FHIP1A: variants seen among roughly 807,000 people sequenced by gnomAD.
FHIP1A encodes FHF complex subunit HOOK-interacting protein 1A.
A neutral mutation model predicts 88.6 loss-of-function variants in FHIP1A; 61 were observed. That is an observed-to-expected ratio of 0.69 (90% CI 0.56 to 0.85). The LOEUF (loss-of-function observed/expected upper bound fraction) is 0.85. Among genes scored for constraint, FHIP1A ranks in the 40% least tolerant of loss-of-function variants. FHIP1A has a pLI of 0.00. For missense variants in FHIP1A, 1,154 were observed against 1,273.5 expected (o/e 0.91, Z 1.43); for synonymous variants, 478 against 496.0 (o/e 0.96, Z 0.48).
At position 151,602,426 on chromosome 4, in the gene FHIP1A, T is replaced by C. The variant is rs139136629; in HGVS notation, c.978+13500T>C. On this transcript the variant is annotated intron_variant, in intron 7 of 13. Transcript: ENST00000435205. ...TGGCTGAAAAACTCTGTCATCTCCATGGAGTTTATAATCTGGGACCCAGGA... is the reference window on the plus strand; with the variant it reads ...TGGCTGAAAAACTCTGTCATCTCCACGGAGTTTATAATCTGGGACCCAGGA... Among the ~76,000 whole-genome samples the C allele has an allele frequency of 3.0e-3, 459 of 152,234 alleles. 3 individuals carry two copies. Among genetic ancestry groups the C allele is most frequent in the African/African-American group, 0.011 (441 of 41,534 alleles).
At chr4:151,456,093 C>CA (rs201890760) in intron 2 of FHIP1A, among the ~76,000 whole-genome samples, 108 of 151,480 alleles carry the variant, frequency 7.1e-4, no homozygotes, top group African/African-American at 2.1e-3. Flanking sequence ...GTTAAGGCAC[C>CA]AAAAAAAACC....
chr4:151,476,162 T>G (rs961312665), intron 2 of FHIP1A, among the ~76,000 whole-genome samples: 2 of 39,276 alleles, frequency 5.1e-5, no homozygotes, highest in African/African-American at 1.6e-4. Context: ...GCTCGGCCGA[T>G]TTTTTTTTTT....
In FHIP1A at chr4:151,656,525, T is replaced by C. The variant is rs1407578411; in HGVS notation, c.2730+115T>C. Reference sequence around the variant, plus strand: ...ATTCCTTTGCTCTAATTCATTTGCTTTCCTTCCCTGTCCTATTAAGCTCAC... The same window carrying C: ...ATTCCTTTGCTCTAATTCATTTGCTCTCCTTCCCTGTCCTATTAAGCTCAC... On this transcript the variant is annotated intron_variant, in intron 12 of 13. Transcript: ENST00000435205. The surrounding 1 kb of genome is among the most constrained non-coding windows in gnomAD (Gnocchi z 4.2). 8.8e-7 allele frequency: 1 copy of C among 1,139,152 alleles called. No individual in the cohort carries two copies. The highest frequency in any genetic ancestry group is 2.6e-5 in the East Asian group (1 of 38,916). 70.6% of individuals were successfully genotyped at this position (1,139,152 alleles called of 1,614,324 possible).
At chr4:151,507,089 C>T (rs1254133600) in intron 3 of FHIP1A, among the ~76,000 whole-genome samples, 1 of 152,156 alleles carries the variant, frequency 6.6e-6, no homozygotes, top group East Asian at 1.9e-4. Flanking sequence ...ATTCATTCCA[C>T]TACCTCTATT....
At chr4:151,485,505 A>G (rs1730051246) in intron 3 of FHIP1A, among the ~76,000 whole-genome samples, 1 of 152,038 alleles carries the variant, frequency 6.6e-6, no homozygotes. Context: ...TGCGGTCCCC[A>G]GATGAACAGT....
At chr4:151,417,762 T>C (rs1250513674) in intron 1 of FHIP1A, among the ~76,000 whole-genome samples, 1 of 152,218 alleles carries the variant, frequency 6.6e-6, no homozygotes, top group African/African-American at 2.4e-5. Flanking sequence ...GCTTATTCTC[T>C]AACACTAAGT....
At chr4:151,466,608 G>A (rs960378510) in intron 2 of FHIP1A, among the ~76,000 whole-genome samples, 1 of 152,120 alleles carries the variant, frequency 6.6e-6, no homozygotes, top group Non-Finnish European at 1.5e-5. Context: ...AACCAAAACA[G>A]CACTGTACTG....
At chr4:151,652,402 ACTT>A (rs1208386360) in intron 11 of FHIP1A, among the ~76,000 whole-genome samples, 1 of 152,144 alleles carries the variant, frequency 6.6e-6, no homozygotes, top group Non-Finnish European at 1.5e-5. Flanking sequence ...ATTAGGCTTA[ACTT>A]CTTCTCTCCA....
At chr4:151,419,066 G>A (rs942259870) in intron 1 of FHIP1A, among the ~76,000 whole-genome samples, 1 of 152,158 alleles carries the variant, frequency 6.6e-6, no homozygotes, top group Non-Finnish European at 1.5e-5. Flanking sequence ...ACTTGCCTGG[G>A]CCACAGGGTG....
intron 3 of FHIP1A, among the ~76,000 whole-genome samples, chr4:151,492,296 C>T (rs913543562): frequency 1.1e-4 from 16 of 152,072 alleles, no homozygotes; most frequent in Middle Eastern, 3.4e-3. Flanking sequence ...GAGCTGGGGG[C>T]GGTTGTGTAA....
chr4:151,438,527 C>T (rs1179915720), intron 1 of FHIP1A, among the ~76,000 whole-genome samples: 1 of 145,660 alleles, frequency 6.9e-6, no homozygotes, highest in Admixed American at 6.8e-5. Flanking sequence ...AAAAACAAAA[C>T]AAAACAAAAA....
intron 7 of FHIP1A, among the ~76,000 whole-genome samples, chr4:151,624,842 A>G (rs753519176): frequency 3.3e-5 from 5 of 152,196 alleles, no homozygotes; most frequent in Admixed American, 6.6e-5. Context: ...AGCCGGAATC[A>G]TCAACTGCAG....
At chr4:151,657,585 C>T (rs1737295428) in intron 13 of FHIP1A, among the ~76,000 whole-genome samples, 1 of 152,170 alleles carries the variant, frequency 6.6e-6, no homozygotes, top group Admixed American at 6.5e-5. Flanking sequence ...CTGGTTGGAC[C>T]GATTTGCTGA....
intron 3 of FHIP1A, among the ~76,000 whole-genome samples, chr4:151,540,548 A>T (rs1580685370): frequency 6.6e-6 from 1 of 152,232 alleles, no homozygotes; most frequent in Admixed American, 6.5e-5. Flanking sequence ...CTTATTCAAT[A>T]TAAAGTGATT....
chr4:151,577,798 G>C lies in FHIP1A; in HGVS notation c.454G>C (p.Gly152Arg). 6.4e-7 allele frequency: 1 copy of C among 1,551,994 alleles called. No individual in the cohort carries two copies. The change falls in exon 5 of 14, where the codon GGA (glycine) becomes CGA (arginine). Residue 152 changes from glycine (G) to arginine (R), a missense_variant. By Grantham distance (125) the Gly-to-Arg change is moderately radical (BLOSUM62 -2). Coordinates refer to ENST00000435205, the MANE Select transcript of FHIP1A (RefSeq NM_001109977.3). ...GATGATGTTGCTGAGCTCTTGTTCA[G>C]GAACAACCACCCCCACTGTGGAGGA... ...PLMMLLSSCSGTTTPTVEEKL... is the reference protein window; with the variant it reads ...PLMMLLSSCSRTTTPTVEEKL...
intron 2 of FHIP1A, among the ~76,000 whole-genome samples, chr4:151,479,697 T>C (rs997403293): frequency 7.2e-5 from 11 of 152,100 alleles, no homozygotes; most frequent in African/African-American, 2.7e-4. Flanking sequence ...CATTTGTTTC[T>C]CTGGTGTATG....
At chr4:151,514,562 C>G (rs1222670345) in intron 3 of FHIP1A, among the ~76,000 whole-genome samples, 1 of 151,626 alleles carries the variant, frequency 6.6e-6, no homozygotes, top group East Asian at 1.9e-4. Context: ...GCTAGCAAGA[C>G]TAATAAAGAA....
intron 11 of FHIP1A, among the ~76,000 whole-genome samples, chr4:151,652,103 T>C (rs1039069430): frequency 2.0e-5 from 3 of 152,126 alleles, no homozygotes; most frequent in Non-Finnish European, 2.9e-5. Flanking sequence ...GCAGCTTTCT[T>C]ACAGAGGAGC....
At chr4:151,610,248 A>G (rs545444144) in intron 7 of FHIP1A, among the ~76,000 whole-genome samples, 47 of 152,346 alleles carry the variant, frequency 3.1e-4, no homozygotes, top group African/African-American at 1.1e-3. Context: ...AACAATGTGT[A>G]TGAGTTAACT....
Sources: allele counts gnomAD v4.1 joint callset (sites outside exome capture counted in the v4.1 genomes callset), GRCh38; gene constraint gnomAD v4.1.1; non-coding constraint Gnocchi (gnomAD v3.1); transcripts MANE v1.5; gene names NCBI Gene and HGNC (gene_info 2026-07-23, HGNC 2026-07-21).